TMC7: variants seen among roughly 807,000 people sequenced by gnomAD.
TMC7 encodes the protein transmembrane channel-like protein 7.
Under a neutral mutation model 82.9 loss-of-function variants are expected in TMC7, and 54 were observed. That is an observed-to-expected ratio of 0.65 (90% CI 0.52 to 0.82). TMC7 has a LOEUF of 0.82. TMC7 is among the 40% of genes least tolerant of loss of function. The pLI is 0.00. For missense variants in TMC7, 820 were observed against 901.2 expected (o/e 0.91, Z 1.15); for synonymous variants, 350 against 337.9 (o/e 1.04, Z -0.39).
chr16:19,048,896 G>T (rs1961403618), intron 12 of TMC7, among the ~76,000 whole-genome samples: 1 of 152,098 alleles, frequency 6.6e-6, no homozygotes, highest in African/African-American at 2.4e-5. Context: ...TAACAATAGT[G>T]TTAATAATGA....
chr16:19,016,767 G>A (rs970822133), intron 3 of TMC7, among the ~76,000 whole-genome samples, 169 bp downstream of exon 3: 1 of 152,108 alleles, frequency 6.6e-6, no homozygotes, highest in Admixed American at 6.6e-5. Context: ...TTTGTCACCA[G>A]GAAAAATCGT....
intron 2 of TMC7, among the ~76,000 whole-genome samples, chr16:19,012,481 G>T (rs1959414131): frequency 6.6e-6 from 1 of 151,998 alleles, no homozygotes; most frequent in South Asian, 2.1e-4. Flanking sequence ...TGGTTTACCA[G>T]TGAATCCCTA....
chr16:19,055,038 G>A (rs1047283994), intron 13 of TMC7, among the ~76,000 whole-genome samples: 11 of 151,588 alleles, frequency 7.3e-5, no homozygotes, highest in African/African-American at 1.5e-4. Flanking sequence ...ACAAGCCACC[G>A]CACCTGGCCA....
rs1227186582 is a variant in TMC7, at chr16:19,000,431, C to T, written c.68-8741C>T. Reference sequence around the variant, plus strand: ...GCAGTGAGCTGAGATTGCGCCACTGCACCACTGCACTCCAGCCTGGGTGAC... The same window carrying T: ...GCAGTGAGCTGAGATTGCGCCACTGTACCACTGCACTCCAGCCTGGGTGAC... On this transcript the variant is annotated intron_variant, in intron 1 of 15. Coordinates refer to ENST00000304381, the MANE Select transcript of TMC7 (RefSeq NM_024847.4). Among the ~76,000 whole-genome samples the T allele has an allele frequency of 3.9e-5, 6 of 152,100 alleles. No homozygotes were observed. The East Asian group carries it at 1.2e-3, about 30-fold the overall frequency.
intron 5 of TMC7, among the ~76,000 whole-genome samples, chr16:19,029,073 T>C (rs1421182202): frequency 6.6e-6 from 1 of 150,780 alleles, no homozygotes; most frequent in Non-Finnish European, 1.5e-5. Context: ...TGGCACAATC[T>C]CGGCTCACTG....
chr16:19,044,007 C>A (rs1218545003), intron 9 of TMC7, among the ~76,000 whole-genome samples: 1 of 151,720 alleles, frequency 6.6e-6, no homozygotes, highest in East Asian at 1.9e-4. Context: ...CTAGCTGGGA[C>A]TACAGGCGTG....
intron 1 of TMC7, among the ~76,000 whole-genome samples, chr16:18,992,033 C>G (rs150130576): frequency 1.3e-5 from 2 of 152,082 alleles, no homozygotes; most frequent in African/African-American, 2.4e-5. Context: ...TCTTTGCTAT[C>G]GTGAATAGTG....
In TMC7 at chr16:19,030,313, G is replaced by A. The variant is rs756995644; in HGVS notation, c.801G>A (p.Ala267=). ...ACTTCACCTATGATCTGCCCCTGGC[G>A]TATTTGTTAAGCACAATCGCCTCCC... ...FQNFTYDLPL[A]YLLSTIASLA... The change falls in exon 6 of 16, where the codon GCG becomes GCA. Residue 267 remains alanine, a synonymous_variant. Transcript: ENST00000304381. 1.5e-5 allele frequency: 24 copies of A among 1,613,602 alleles called. No homozygotes were observed. The highest frequency in any genetic ancestry group is 2.7e-5 in the African/African-American group (2 of 74,902).
chr16:19,057,226 A>G lies in TMC7; in HGVS notation c.2027+529A>G, dbSNP rs57603658. 9.8e-3 allele frequency among the ~76,000 whole-genome samples: 1,486 copies of G among 152,318 alleles called. 25 individuals carry two copies. Among genetic ancestry groups the G allele is most frequent in the African/African-American group, 0.034 (1,397 of 41,560 alleles). The stretch of plus-strand genomic sequence containing the variant: ...GGGCAAATTAAGAAAGATCACACTT[A>G]GCCCAATGCCTGGCTTATAAAAAGC... On this transcript the variant is annotated intron_variant, in intron 14 of 15. Coordinates refer to ENST00000304381, the MANE Select transcript of TMC7 (RefSeq NM_024847.4).
At chr16:19,043,731 C>A (rs1567524681) in intron 9 of TMC7, among the ~76,000 whole-genome samples, 1 of 152,236 alleles carries the variant, frequency 6.6e-6, no homozygotes, top group East Asian at 1.9e-4. Flanking sequence ...TGCCACCATG[C>A]CCAGCTAATT....
intron 2 of TMC7, among the ~76,000 whole-genome samples, chr16:19,014,651 T>C (rs1307658601): frequency 6.6e-6 from 1 of 152,116 alleles, no homozygotes; most frequent in East Asian, 1.9e-4. Flanking sequence ...CAACACCAAC[T>C]TGGACTTGGG....
intron 1 of TMC7, among the ~76,000 whole-genome samples, chr16:18,999,904 C>T (rs2039112033): frequency 6.6e-6 from 1 of 152,032 alleles, no homozygotes; most frequent in South Asian, 2.1e-4. Flanking sequence ...GCTGGGACTA[C>T]AGGTGCCCGC....
Position 19,059,856 on chromosome 16 carries a change from A to C in TMC7, c.2106+362A>C. On this transcript the variant is annotated intron_variant, in intron 15 of 15. Transcript: ENST00000304381. ...GTTGGGCGTGGTGGTGGGCACCTGT[A>C]ATCCCAGCTACTTGGGAGGCTGAGG... The C allele has an allele frequency of 7.3e-6, 4 of 546,230 alleles. No homozygotes were observed. In the South Asian group the frequency reaches 8.1e-5, roughly 11 times the overall value. The allele number at this position is 546,230 out of a possible 1,614,324, so 33.8% of individuals were successfully genotyped here.
chr16:19,052,524 AAGCC>A (rs1961585005), intron 13 of TMC7, among the ~76,000 whole-genome samples: 1 of 152,158 alleles, frequency 6.6e-6, no homozygotes, highest in Admixed American at 6.5e-5. Flanking sequence ...TTTAAATTAA[AAGCC>A]TGTACTGGGT....
chr16:19,052,080 T>G (rs1461307156), intron 13 of TMC7, among the ~76,000 whole-genome samples: 3 of 151,970 alleles, frequency 2.0e-5, no homozygotes, highest in African/African-American at 7.2e-5. Flanking sequence ...ACAGGTGTGT[T>G]CCACTATGCC....
intron 14 of TMC7, among the ~76,000 whole-genome samples, chr16:19,059,113 G>A (rs949271442): frequency 1.1e-4 from 16 of 152,066 alleles, no homozygotes; most frequent in Admixed American, 7.9e-4. Flanking sequence ...CCTGACCTCA[G>A]GTGATCCGCC....
intron 1 of TMC7, among the ~76,000 whole-genome samples, chr16:18,990,258 T>G (rs1219441753): frequency 1.3e-5 from 2 of 152,270 alleles, no homozygotes; most frequent in South Asian, 2.1e-4. Flanking sequence ...TTTACTTCTT[T>G]TGTGGATCTT....
At chr16:19,017,418 CTA>C (rs1959750962) in intron 3 of TMC7, among the ~76,000 whole-genome samples, 1 of 149,166 alleles carries the variant, frequency 6.7e-6, no homozygotes, top group Non-Finnish European at 1.5e-5. Flanking sequence ...TATTAGTAAA[CTA>C]TTATTTCATG....
At chr16:18,998,224 G>A (rs1365068689) in intron 1 of TMC7, among the ~76,000 whole-genome samples, 2 of 152,154 alleles carry the variant, frequency 1.3e-5, no homozygotes, top group Admixed American at 1.3e-4. Flanking sequence ...CTAATCCTCA[G>A]GACAGCTATA....
Sources: gnomAD v4.1 joint callset for allele counts (sites outside exome capture counted in the v4.1 genomes callset) on GRCh38, gnomAD v4.1.1 for gene constraint, MANE v1.5 for transcripts, NCBI Gene and HGNC (gene_info 2026-07-23, HGNC 2026-07-21) for gene names.